Variants in TRPM3 observed in about 807,000 individuals in gnomAD.
TRPM3 encodes transient receptor potential cation channel subfamily M member 3.
TRPM3 carries 77 observed loss-of-function variants against 181.2 expected under a neutral mutation model. That is an observed-to-expected ratio of 0.42 (90% CI 0.35 to 0.51). The LOEUF (loss-of-function observed/expected upper bound fraction) is 0.51. TRPM3 is among the 20% of genes least tolerant of loss of function. The probability of loss-of-function intolerance (pLI) is 0.01; values close to 1 mark genes in which losing one functional copy is unlikely to be tolerated. For missense variants in TRPM3, 1,759 were observed against 2,196.7 expected (o/e 0.80, Z 3.98); for synonymous variants, 745 against 796.4 (o/e 0.94, Z 1.09).
At chr9:71,126,541 T>C (rs2074040730), upstream of TRPM3, among the ~76,000 whole-genome samples, 1 of 152,188 alleles carries the variant, frequency 6.6e-6, no homozygotes, top group Non-Finnish European at 1.5e-5. Flanking sequence ...TACAGGACAA[T>C]CCTTAATGTA....
chr9:70,898,641 C>T (rs983468583), intron 1 of TRPM3, among the ~76,000 whole-genome samples: 6 of 148,718 alleles, frequency 4.0e-5, no homozygotes, highest in African/African-American at 1.2e-4. Flanking sequence ...CCAGTTACTC[C>T]CGAGGCTGAG....
intron 8 of TRPM3, among the ~76,000 whole-genome samples, chr9:70,755,608 C>T (rs1396870833): frequency 3.3e-5 from 5 of 152,094 alleles, no homozygotes; most frequent in African/African-American, 1.2e-4. Flanking sequence ...CTCAGGTGAT[C>T]CGCCTGCCTC....
rs181658601 is a variant in TRPM3, at chr9:71,134,334, G to C, written c.184-269823C>G. On this transcript the variant is annotated intron_variant, in intron 1 of 24. Transcript: ENST00000357533. ...AATCCCAGCACTTTGGGAGGCCAAG[G>C]GGGGAGGATCATGAAGTCACCATCC... Among the ~76,000 whole-genome samples, 76 of 151,998 alleles carry C rather than the reference G, an allele frequency of 5.0e-4. 1 individual carries two copies. Among genetic ancestry groups the C allele is most frequent in the East Asian group, 4.7e-3 (24 of 5,146 alleles).
chr9:70,681,775 A>G (rs1371637636), intron 8 of TRPM3, among the ~76,000 whole-genome samples, 197 bp from the exon 9 acceptor site: 1 of 152,146 alleles, frequency 6.6e-6, no homozygotes, highest in African/African-American at 2.4e-5. Flanking sequence ...GTAGTTTCCA[A>G]ACACAGACCA....
intron 1 of TRPM3, among the ~76,000 whole-genome samples, chr9:70,879,052 T>A (rs2095930196): frequency 6.6e-6 from 1 of 152,126 alleles, no homozygotes; most frequent in African/African-American, 2.4e-5. Flanking sequence ...TTGGACCTCA[T>A]CATACACCTG....
intron 6 of TRPM3, among the ~76,000 whole-genome samples, chr9:70,788,161 C>CGA (rs1554707240): frequency 3.8e-5 from 4 of 104,794 alleles, no homozygotes; most frequent in Non-Finnish European, 5.6e-5. Flanking sequence ...ATCCCTCCCC[C>CGA]CTCCCCCCAC....
intron 6 of TRPM3, among the ~76,000 whole-genome samples, chr9:70,802,415 C>T (rs559024126): frequency 6.6e-6 from 1 of 152,310 alleles, no homozygotes; most frequent in East Asian, 1.9e-4. Context: ...AAAGAATGAG[C>T]ATGACTATGT....
intron 1 of TRPM3, among the ~76,000 whole-genome samples, chr9:70,913,311 A>C (rs1157250292): frequency 6.6e-6 from 1 of 152,176 alleles, no homozygotes; most frequent in Admixed American, 6.5e-5. Flanking sequence ...GAAATGCTTT[A>C]CAGCATTTTC....
intron 1 of TRPM3, among the ~76,000 whole-genome samples, chr9:71,424,489 G>C (rs185858194): frequency 6.6e-6 from 1 of 152,166 alleles, no homozygotes; most frequent in East Asian, 1.9e-4. Context: ...ATACAAGACA[G>C]GTTAAATGAT....
chr9:70,639,144 C>G lies in TRPM3; in HGVS notation c.1497G>C (p.Val499=). 6.2e-7 allele frequency: 1 copy of G among 1,613,964 alleles called. No individual in the cohort carries two copies. The highest frequency in any genetic ancestry group is 8.5e-7 in the Non-Finnish European group (1 of 1,179,910). ...TCTCTATGAGTAATTTCACAAAATCCACTCTGTCCAGAACTAAGGCATCCA... is the reference window on the plus strand; with the variant it reads ...TCTCTATGAGTAATTTCACAAAATCGACTCTGTCCAGAACTAAGGCATCCA... The part of the protein sequence containing the change: ...AMLDALVLDR[V]DFVKLLIENG... Residue 499 remains valine (V), a synonymous_variant, in exon 11 of 26, where the codon GTG becomes GTC. Coordinates refer to ENST00000677713, the MANE Select transcript of TRPM3 (RefSeq NM_001366145.2).
At chr9:71,251,669 T>C (rs2082349831) in intron 1 of TRPM3, among the ~76,000 whole-genome samples, 1 of 152,138 alleles carries the variant, frequency 6.6e-6, no homozygotes, top group Non-Finnish European at 1.5e-5. Context: ...ACATGGAAAA[T>C]GGGTTATTCA....
Position 70,864,808 on chromosome 9 carries a change from C to T in TRPM3, c.178-297G>A, listed in dbSNP as rs116348330. Among the ~76,000 whole-genome samples, 1,157 of 152,054 alleles carry T rather than the reference C, an allele frequency of 7.6e-3. 22 individuals carry two copies. Among genetic ancestry groups the T allele is most frequent in the Middle Eastern group, 0.034 (10 of 292 alleles). On this transcript the variant is annotated intron_variant, in intron 1 of 25. Coordinates refer to ENST00000677713, the MANE Select transcript of TRPM3 (RefSeq NM_001366145.2). ...ACAAATTCAGAACAGAAAGACAATG[C>T]TATTTGCAGAGAAAATAAATTTGGA...
At position 70,532,322 on chromosome 9, in the gene TRPM3, ATT is replaced by A. The variant is rs2040994872; in HGVS notation, c.*3629_*3630del. 1.3e-5 allele frequency: 2 copies of A among 152,194 alleles called. No homozygotes were observed. Among genetic ancestry groups the A allele is most frequent in the Admixed American group, 1.3e-4 (2 of 15,286 alleles). 9.4% of individuals were successfully genotyped at this position (152,194 alleles called of 1,614,324 possible). A position where few individuals can be genotyped will look rare whatever the true frequency, so the allele number is the denominator to read the frequency against. On this transcript the variant is annotated 3_prime_UTR_variant, in exon 26 of 26. Coordinates refer to ENST00000677713, the MANE Select transcript of TRPM3 (RefSeq NM_001366145.2). Reference sequence around the variant, plus strand: ...CATTTGAAACATTCAGAAGAAACACATTTTGTGTTTTTATGAGTACATTTTTC... The same window carrying A: ...CATTTGAAACATTCAGAAGAAACACATTGTGTTTTTATGAGTACATTTTTC...
intron 1 of TRPM3, among the ~76,000 whole-genome samples, chr9:71,052,439 G>A (rs1022284381): frequency 1.3e-5 from 2 of 152,058 alleles, no homozygotes. Flanking sequence ...AGTATTCTGA[G>A]GCCTTGACCC....
chr9:70,574,951 T>C lies in TRPM3; in HGVS notation c.3223+16080A>G, dbSNP rs2053531507. The stretch of plus-strand genomic sequence containing the variant: ...CTTTTCTTTCTTTTTTTTTTTTAAA[T>C]TTTTTTTCCCAACAGGGTCTCACTC... On this transcript the variant is annotated intron_variant, in intron 22 of 25. Transcript: ENST00000677713. 2.0e-5 allele frequency among the ~76,000 whole-genome samples: 3 copies of C among 151,614 alleles called. No homozygotes were observed. The South Asian group carries it at 6.2e-4, about 32-fold the overall frequency.
chr9:70,584,343 T>C (rs1362896628), intron 22 of TRPM3, among the ~76,000 whole-genome samples: 2 of 152,232 alleles, frequency 1.3e-5, no homozygotes, highest in South Asian at 2.1e-4. Flanking sequence ...TGCATTTTTA[T>C]TGATATTCTT....
chr9:70,861,909 G>C (rs1314031432), intron 3 of TRPM3, among the ~76,000 whole-genome samples: 5 of 142,028 alleles, frequency 3.5e-5, no homozygotes, highest in Non-Finnish European at 7.7e-5. Flanking sequence ...TCAGCCATTC[G>C]TGGTAAAGAA....
intron 7 of TRPM3, among the ~76,000 whole-genome samples, chr9:70,771,229 T>A (rs1327446016): frequency 6.6e-6 from 1 of 152,154 alleles, no homozygotes; most frequent in African/African-American, 2.4e-5. Flanking sequence ...ATCAGCAAAT[T>A]CTACTGAGAG....
chr9:71,070,243 G>A (rs2062564660), intron 1 of TRPM3, among the ~76,000 whole-genome samples: 1 of 152,190 alleles, frequency 6.6e-6, no homozygotes, highest in Non-Finnish European at 1.5e-5. Context: ...ATAACCTACT[G>A]GTGAACTTTT....
Sources: gnomAD v4.1 joint callset for allele counts (sites outside exome capture counted in the v4.1 genomes callset) on GRCh38, gnomAD v4.1.1 for gene constraint, MANE v1.5 for transcripts, NCBI Gene and HGNC (gene_info 2026-07-23, HGNC 2026-07-21) for gene names.